Variants in ALOX5AP observed in about 807,000 individuals in gnomAD.
ALOX5AP encodes the protein arachidonate 5-lipoxygenase activating protein, also known as arachidonate 5-lipoxygenase-activating protein.
Under a neutral mutation model 18.5 loss-of-function variants are expected in ALOX5AP, and 9 were observed. The observed-to-expected ratio is 0.49, with a 90% CI of 0.29 to 0.85. The LOEUF (loss-of-function observed/expected upper bound fraction) is 0.85. ALOX5AP is among the 40% of genes least tolerant of loss of function. The pLI, the probability that ALOX5AP is intolerant of heterozygous loss-of-function variation, is 0.08. For missense variants in ALOX5AP, 172 were observed against 202.5 expected, an observed-to-expected ratio of 0.85 and a Z score of 0.91; for synonymous variants, 81 against 78.6, an observed-to-expected ratio of 1.03 and a Z score of -0.16.
intron 2 of ALOX5AP, among the ~76,000 whole-genome samples, chr13:30,749,648 T>G (rs1405974174): frequency 6.6e-6 from 1 of 152,196 alleles, no homozygotes; most frequent in Non-Finnish European, 1.5e-5. Flanking sequence ...CCTTTGGAGC[T>G]CCTACCGTGT....
At chr13:30,728,572 T>C (rs1300247194) in intron 1 of ALOX5AP, among the ~76,000 whole-genome samples, 1 of 152,184 alleles carries the variant, frequency 6.6e-6, no homozygotes, top group Non-Finnish European at 1.5e-5. Flanking sequence ...CTGAATGAAA[T>C]TTCTAGGACA....
intron 2 of ALOX5AP, chr13:30,744,473 C>A: frequency 4.0e-6 from 1 of 246,962 alleles, no homozygotes; most frequent in Non-Finnish European, 8.2e-6. Context: ...TGGGGTTAGA[C>A]CAGGGTTGCT....
intron 1 of ALOX5AP, among the ~76,000 whole-genome samples, chr13:30,741,751 A>G (rs1951767253): frequency 6.6e-6 from 1 of 151,560 alleles, no homozygotes; most frequent in South Asian, 2.1e-4. Context: ...TGCTATGTAA[A>G]CAGTTGTTAT....
chr13:30,745,954 G>T (rs184081828), intron 2 of ALOX5AP, among the ~76,000 whole-genome samples: 4 of 152,352 alleles, frequency 2.6e-5, no homozygotes, highest in Admixed American at 6.5e-5. Flanking sequence ...ATTTGGAGAA[G>T]TTATGGTGCA....
At chr13:30,744,898 C>T (rs1213483972) in intron 2 of ALOX5AP, among the ~76,000 whole-genome samples, 1 of 152,176 alleles carries the variant, frequency 6.6e-6, no homozygotes, top group African/African-American at 2.4e-5. Flanking sequence ...AGAGGAAGGC[C>T]TCATGCTAGA....
At chr13:30,759,105 C>T (rs980172889) in intron 4 of ALOX5AP, among the ~76,000 whole-genome samples, 2 of 152,188 alleles carry the variant, frequency 1.3e-5, no homozygotes, top group Non-Finnish European at 2.9e-5. Context: ...AGGCATAAGC[C>T]ACCCATGATG....
intron 1 of ALOX5AP, among the ~76,000 whole-genome samples, chr13:30,723,676 A>G (rs930819331): frequency 2.6e-5 from 4 of 152,244 alleles, no homozygotes; most frequent in Non-Finnish European, 5.9e-5. Context: ...TTAAATCCTT[A>G]TTAAATAAAG....
intron 3 of ALOX5AP, among the ~76,000 whole-genome samples, chr13:30,753,825 A>T (rs546241884): frequency 5.9e-5 from 9 of 152,202 alleles, no homozygotes; most frequent in Non-Finnish European, 1.5e-5. Context: ...CTCATGTTCA[A>T]TTGGGTTCCC....
intron 1 of ALOX5AP, among the ~76,000 whole-genome samples, chr13:30,726,572 G>C (rs972991495): frequency 1.3e-5 from 2 of 152,200 alleles, no homozygotes; most frequent in African/African-American, 4.8e-5. Context: ...ATGAGTAGTG[G>C]AAGGTAGTTA....
chr13:30,720,749 T>C (rs76204123), intron 1 of ALOX5AP, among the ~76,000 whole-genome samples: 1,658 of 152,394 alleles, frequency 0.011, 15 homozygotes, highest in Middle Eastern at 0.034. Flanking sequence ...AACTTTTGAA[T>C]ATTTGAATGC....
At chr13:30,755,257 A>G (rs1951883874) in intron 3 of ALOX5AP, among the ~76,000 whole-genome samples, 1 of 152,318 alleles carries the variant, frequency 6.6e-6, no homozygotes, top group South Asian at 2.1e-4. Context: ...TCTCTTCTAA[A>G]TGGTAGCTGT....
chr13:30,738,561 A>G (rs1951738456), intron 1 of ALOX5AP, among the ~76,000 whole-genome samples: 1 of 152,208 alleles, frequency 6.6e-6, no homozygotes, highest in East Asian at 1.9e-4. Context: ...ACACAGACGC[A>G]TTTCTTATGA....
chr13:30,725,346 A>AT (rs1417547205), intron 1 of ALOX5AP, among the ~76,000 whole-genome samples: 11 of 152,246 alleles, frequency 7.2e-5, no homozygotes, highest in Non-Finnish European at 1.5e-4. Context: ...ACAGAAGAGG[A>AT]TTTTAAAATC....
At chr13:30,735,504 T>C (rs1951713278), upstream of ALOX5AP, 3 of 1,553,330 alleles carry the variant, frequency 1.9e-6, no homozygotes, top group East Asian at 2.3e-5. Flanking sequence ...TCTTCAGAAA[T>C]TGTAATGATG....
At chr13:30,721,088 T>C (rs1306718723) in intron 1 of ALOX5AP, among the ~76,000 whole-genome samples, 1 of 152,162 alleles carries the variant, frequency 6.6e-6, no homozygotes, top group Non-Finnish European at 1.5e-5. Context: ...TGCACAGGGT[T>C]CATGGACTCT....
rs1221136706 is a variant in ALOX5AP, at chr13:30,758,785, C to CCCCTT, written c.323+2775_323+2779dup. Among the ~76,000 whole-genome samples, 5 of 151,542 alleles carry CCCCTT rather than the reference C, an allele frequency of 3.3e-5. No homozygotes were observed. In the East Asian group the frequency reaches 5.9e-4, roughly 18 times the overall value. On this transcript the variant is annotated intron_variant, in intron 4 of 4. Transcript: ENST00000380490. The stretch of plus-strand genomic sequence containing the variant: ...TCTTTTCTTTTTTCTCTTCTCTTTT[C>CCCCTT]CCCTTCCCTTCCCTTCCCTCCCTTC...
upstream of ALOX5AP, among the ~76,000 whole-genome samples, chr13:30,733,018 G>A (rs1055824014): frequency 6.6e-6 from 1 of 152,068 alleles, no homozygotes; most frequent in Admixed American, 6.5e-5. Context: ...AATTAGCCAG[G>A]CGTGGTGGTG....
At chr13:30,738,276 T>C (rs1951736301) in intron 1 of ALOX5AP, among the ~76,000 whole-genome samples, 1 of 152,200 alleles carries the variant, frequency 6.6e-6, no homozygotes, top group South Asian at 2.1e-4. Flanking sequence ...GTTTTAGTCA[T>C]CAAGATCTTC....
chr13:30,741,391 CTTTTTT>C (rs34793607), intron 1 of ALOX5AP, among the ~76,000 whole-genome samples: 1 of 128,776 alleles, frequency 7.8e-6, no homozygotes, highest in African/African-American at 2.9e-5. Context: ...CTTGTTTTGT[CTTTTTT>C]TTTTTTTTTT....
Sources: allele counts gnomAD v4.1 joint callset (sites outside exome capture counted in the v4.1 genomes callset), GRCh38; gene constraint gnomAD v4.1.1; transcripts MANE v1.5; gene names NCBI Gene and HGNC (gene_info 2026-07-23, HGNC 2026-07-21).